ABCD3: variants seen among roughly 807,000 people sequenced by gnomAD.
ABCD3 encodes ATP-binding cassette sub-family D member 3.
ABCD3 carries 41 observed loss-of-function variants against 105.5 expected under a neutral mutation model. That is an observed-to-expected ratio of 0.39 (90% CI 0.30 to 0.50). ABCD3 has a LOEUF of 0.50. Among genes scored for constraint, ABCD3 ranks in the 20% least tolerant of loss-of-function variants. The pLI is 0.84. For synonymous variants in ABCD3, 258 were observed against 269.0 expected (o/e 0.96, Z 0.40); for missense variants, 622 against 806.3 (o/e 0.77, Z 2.77).
chr1:94,506,712 C>G (rs1219213765), intron 21 of ABCD3, 70 bp downstream of exon 21: 2 of 1,160,262 alleles, frequency 1.7e-6, no homozygotes, highest in Admixed American at 1.7e-5. Context: ...CCAAATCTGT[C>G]CAAAGAGAAG....
At chr1:94,460,101 T>C (rs1465101302) in intron 2 of ABCD3, among the ~76,000 whole-genome samples, 1 of 152,196 alleles carries the variant, frequency 6.6e-6, no homozygotes, top group African/African-American at 2.4e-5. Flanking sequence ...TGTAGAGATA[T>C]GTTTTTATTT....
intron 22 of ABCD3, among the ~76,000 whole-genome samples, chr1:94,515,605 GCTATGTTTAT>G (rs1650879564): frequency 6.6e-6 from 1 of 151,940 alleles, no homozygotes; most frequent in Non-Finnish European, 1.5e-5. Context: ...AATAACATAA[GCTATGTTTAT>G]CAATGTACTG....
chr1:94,407,358 C>CA, the ABCD3 span, among the ~76,000 whole-genome samples: 1 of 152,124 alleles, frequency 6.6e-6, no homozygotes, highest in African/African-American at 2.4e-5. Flanking sequence ...CCATATTGGT[C>CA]AGGCTGGTCT....
At chr1:94,502,922 A>G (rs370985990) in intron 20 of ABCD3, among the ~76,000 whole-genome samples, 14 of 152,330 alleles carry the variant, frequency 9.2e-5, no homozygotes, top group East Asian at 7.7e-4. Context: ...TGCAGTGTGC[A>G]TATGCTTATT....
chr1:94,394,824 G>A, the ABCD3 span, among the ~76,000 whole-genome samples: 3 of 152,186 alleles, frequency 2.0e-5, no homozygotes, highest in South Asian at 4.1e-4. Flanking sequence ...AGTTGGGAGA[G>A]TGTTAGACTG....
intron 20 of ABCD3, among the ~76,000 whole-genome samples, chr1:94,502,528 A>T (rs1650148887): frequency 1.4e-5 from 2 of 141,886 alleles, no homozygotes; most frequent in Admixed American, 7.4e-5. Context: ...ACAGAGTCTC[A>T]TTCTGTCGCC....
chr1:94,494,729 C>A (rs1649713467), intron 16 of ABCD3, among the ~76,000 whole-genome samples: 1 of 152,106 alleles, frequency 6.6e-6, no homozygotes, highest in African/African-American at 2.4e-5. Context: ...ATAAACTCCC[C>A]AGTACAGACA....
chr1:94,426,547 A>AT lies in ABCD3; in HGVS notation c.110+7972dup, dbSNP rs552328622. On this transcript the variant is annotated intron_variant, in intron 1 of 22. Transcript: ENST00000370214. Reference sequence around the variant, plus strand: ...CCCCCTCCTCACCTTGATGTGTTTGATTTTTTTTTTTTTGAGATGGAGTCC... The same window carrying AT: ...CCCCCTCCTCACCTTGATGTGTTTGATTTTTTTTTTTTTTGAGATGGAGTCC... Among the ~76,000 whole-genome samples, 970 of 143,028 alleles carry AT rather than the reference A, an allele frequency of 6.8e-3. 7 individuals are homozygous for AT. The highest frequency in any genetic ancestry group is 0.029 in the Middle Eastern group (8 of 278). The allele number at this position is 143,028 out of a possible 152,430, so 93.8% of individuals were successfully genotyped here.
At chr1:94,432,494 T>C (rs1333141966) in intron 1 of ABCD3, 1 of 152,268 alleles carries the variant, frequency 6.6e-6, no homozygotes, top group African/African-American at 2.4e-5. Flanking sequence ...TATTGAACAC[T>C]TAACCATATT....
At chr1:94,483,347 G>A in intron 10 of ABCD3, 108 bp downstream of exon 10, 5 of 789,990 alleles carry the variant, frequency 6.3e-6, no homozygotes, top group Non-Finnish European at 8.7e-6. Context: ...ACACACGTAT[G>A]TATACATATC....
chr1:94,411,676 C>G, the ABCD3 span, among the ~76,000 whole-genome samples: 1 of 152,088 alleles, frequency 6.6e-6, no homozygotes, highest in Non-Finnish European at 1.5e-5. Flanking sequence ...TTATATACCC[C>G]TCCCAATACA....
chr1:94,395,350 A>G, the ABCD3 span, among the ~76,000 whole-genome samples: 2 of 152,224 alleles, frequency 1.3e-5, no homozygotes, highest in Non-Finnish European at 2.9e-5. Flanking sequence ...GTGGAGTTCC[A>G]CAGGGAACTC....
intron 20 of ABCD3, among the ~76,000 whole-genome samples, chr1:94,500,217 C>G (rs571921595): frequency 1.3e-5 from 2 of 151,974 alleles, no homozygotes; most frequent in East Asian, 3.9e-4. Context: ...CAAAAATATG[C>G]GCTAAACACT....
rs1249945201 is a variant in ABCD3, at chr1:94,488,003, G to A, written c.1157+20G>A. The A allele has an allele frequency of 6.4e-7, 1 of 1,563,116 alleles. No homozygotes were observed. The highest frequency in any genetic ancestry group is 1.1e-5 in the South Asian group (1 of 89,518). ...GGCCGGGTAAGATTAGTAATAATGAGCTGTTGCAGAAAATAATTTTTAAAA... is the reference window on the plus strand; with the variant it reads ...GGCCGGGTAAGATTAGTAATAATGAACTGTTGCAGAAAATAATTTTTAAAA... On this transcript the variant is annotated intron_variant, in intron 13 of 22. Transcript: ENST00000370214.
chr1:94,496,694 G>GTTTTTTTT lies in ABCD3; in HGVS notation c.1387-1886_1387-1879dup, dbSNP rs71094302. On this transcript the variant is annotated intron_variant, in intron 16 of 22. Coordinates refer to ENST00000370214, the MANE Select transcript of ABCD3 (RefSeq NM_002858.4). Reference sequence around the variant, plus strand: ...CTTCAGTAAAATCAGCCTTGTTTCTGTTTTTTTTTTTTTTTTTTTTTTTTT... The same window carrying GTTTTTTTT: ...CTTCAGTAAAATCAGCCTTGTTTCTGTTTTTTTTTTTTTTTTTTTTTTTTTTTTTTTTT... Among the ~76,000 whole-genome samples, 189 of 39,382 alleles carry GTTTTTTTT rather than the reference G, an allele frequency of 4.8e-3. 20 individuals carry two copies. Among genetic ancestry groups the GTTTTTTTT allele is most frequent in the Admixed American group, 6.6e-3 (13 of 1,982 alleles). The allele number at this position is 39,382 out of a possible 152,430, so 25.8% of individuals were successfully genotyped here. A position where few individuals can be genotyped will look rare whatever the true frequency, so the allele number is the denominator to read the frequency against.
At chr1:94,506,384 G>A (rs1045791564) in intron 20 of ABCD3, among the ~76,000 whole-genome samples, 154 bp from the exon 21 acceptor site, 4 of 151,952 alleles carry the variant, frequency 2.6e-5, no homozygotes, top group African/African-American at 9.7e-5. Flanking sequence ...TGTTTATATT[G>A]TTTCTATTTC....
chr1:94,509,368 G>A (rs1311315820), intron 21 of ABCD3, among the ~76,000 whole-genome samples: 2 of 152,178 alleles, frequency 1.3e-5, no homozygotes, highest in African/African-American at 4.8e-5. Flanking sequence ...GCTTTTTGAT[G>A]TGGTGCTGGA....
chr1:94,433,753 T>G (rs578197532), intron 1 of ABCD3, among the ~76,000 whole-genome samples: 1 of 151,814 alleles, frequency 6.6e-6, no homozygotes, highest in Admixed American at 6.6e-5. Flanking sequence ...TGCAAGTGCT[T>G]CTCCTGCCTC....
At position 94,444,305 on chromosome 1, in the gene ABCD3, C is replaced by CG. The variant is rs199623360; in HGVS notation, c.111-14295dup. Among the ~76,000 whole-genome samples, 1,219 of 126,676 alleles carry CG rather than the reference C, an allele frequency of 9.6e-3. 23 individuals carry two copies. The highest frequency in any genetic ancestry group is 0.034 in the African/African-American group (1,148 of 33,882). 83.1% of individuals were successfully genotyped at this position (126,676 alleles called of 152,430 possible). A position where few individuals can be genotyped will look rare whatever the true frequency, so the allele number is the denominator to read the frequency against. ...CAGGATTGTGCCACTGTACTCTAGC[C>CG]GGGGGGGCAGAGCGAGACTCCATCT... On this transcript the variant is annotated intron_variant, in intron 1 of 22. Coordinates refer to ENST00000370214, the MANE Select transcript of ABCD3 (RefSeq NM_002858.4).
Sources: allele counts gnomAD v4.1 joint callset (sites outside exome capture counted in the v4.1 genomes callset), GRCh38; gene constraint gnomAD v4.1.1; transcripts MANE v1.5; gene names NCBI Gene and HGNC (gene_info 2026-07-23, HGNC 2026-07-21).